The following CDH4 variants were observed in gnomAD, a reference collection of about 807,000 sequenced individuals.
CDH4 encodes the protein cadherin-4.
In CDH4, 33 loss-of-function variants were observed where a neutral mutation model predicts 86.0. The ratio of observed to expected loss-of-function variants is 0.38; its 90% CI spans 0.29 to 0.51. The LOEUF (loss-of-function observed/expected upper bound fraction) is 0.51. Ranked by LOEUF, CDH4 falls within the 20% of genes least tolerant of loss-of-function variation. CDH4 has a pLI of 0.86. For missense variants in CDH4, 1,114 were observed against 1,307.4 expected (o/e 0.85, Z 2.28); for synonymous variants, 555 against 549.4 (o/e 1.01, Z -0.14).
chr20:61,454,723 G>A (rs879803414), intron 2 of CDH4, among the ~76,000 whole-genome samples: 1 of 152,166 alleles, frequency 6.6e-6, no homozygotes, highest in Non-Finnish European at 1.5e-5. Flanking sequence ...GAGATTACAG[G>A]CATGAGCCAC....
At chr20:61,809,332 T>C (rs1272987410) in intron 4 of CDH4, among the ~76,000 whole-genome samples, 1 of 152,172 alleles carries the variant, frequency 6.6e-6, no homozygotes, top group Non-Finnish European at 1.5e-5. Flanking sequence ...CTGTGCTACT[T>C]GGGATTCAAA....
At chr20:61,771,199 G>A (rs1055008668) in intron 3 of CDH4, among the ~76,000 whole-genome samples, 2 of 151,134 alleles carry the variant, frequency 1.3e-5, no homozygotes, top group African/African-American at 4.8e-5. Flanking sequence ...TAGTAGAGAT[G>A]GGGTTTCACC....
chr20:61,329,011 T>G (rs748058635), intron 2 of CDH4, among the ~76,000 whole-genome samples: 2 of 152,174 alleles, frequency 1.3e-5, no homozygotes, highest in African/African-American at 2.4e-5. Flanking sequence ...TTAACCGTGC[T>G]CGGAACACTT....
At chr20:61,395,273 G>A (rs1288102301) in intron 2 of CDH4, among the ~76,000 whole-genome samples, 1 of 151,832 alleles carries the variant, frequency 6.6e-6, no homozygotes, top group African/African-American at 2.4e-5. Flanking sequence ...ATTATATATG[G>A]GAACTCCTGT....
intron 12 of CDH4, among the ~76,000 whole-genome samples, chr20:61,928,968 T>C (rs1261105498): frequency 6.6e-6 from 1 of 152,238 alleles, no homozygotes; most frequent in Non-Finnish European, 1.5e-5. Context: ...ATATCCTGAT[T>C]ACCAGTGGAA....
intron 2 of CDH4, among the ~76,000 whole-genome samples, chr20:61,322,359 T>C (rs1463471378): frequency 3.9e-5 from 6 of 152,002 alleles, no homozygotes; most frequent in African/African-American, 1.4e-4. Context: ...AGCTGGGAGG[T>C]GCCGGCATCA....
intron 2 of CDH4, among the ~76,000 whole-genome samples, chr20:61,507,624 T>G (rs2085750499): frequency 6.6e-6 from 1 of 152,126 alleles, no homozygotes; most frequent in South Asian, 2.1e-4. Flanking sequence ...TGACCCGTAC[T>G]CCTCAAACCA....
Position 61,305,603 on chromosome 20 carries a change from C to T in CDH4, c.169+50666C>T, listed in dbSNP as rs77856556. Among the ~76,000 whole-genome samples, 502 of 152,318 alleles carry T rather than the reference C, an allele frequency of 3.3e-3. 4 individuals are homozygous for T. Among genetic ancestry groups the T allele is most frequent in the African/African-American group, 0.011 (450 of 41,576 alleles). On this transcript the variant is annotated intron_variant, in intron 2 of 15. Coordinates refer to ENST00000614565, the MANE Select transcript of CDH4 (RefSeq NM_001794.5). ...TTTCAATTCTCTTGACCTCGGTTCA[C>T]GAACCTCTCTCTTCCCCTTGGTCTC...
At chr20:61,746,913 G>A (rs942987472) in intron 3 of CDH4, among the ~76,000 whole-genome samples, 2 of 152,198 alleles carry the variant, frequency 1.3e-5, no homozygotes, top group South Asian at 4.1e-4. Flanking sequence ...TGGTTGATGC[G>A]CCCTTACAGA....
intron 2 of CDH4, among the ~76,000 whole-genome samples, chr20:61,411,512 G>T (rs73915022): frequency 6.6e-6 from 1 of 151,652 alleles, no homozygotes; most frequent in East Asian, 1.9e-4. Flanking sequence ...GGGTCAAAAC[G>T]GCCCAGCTTC....
intron 2 of CDH4, among the ~76,000 whole-genome samples, chr20:61,365,744 G>A (rs138395631): frequency 3.3e-3 from 505 of 152,268 alleles, no homozygotes; most frequent in Non-Finnish European, 4.8e-3. Context: ...GCAATGGGGC[G>A]TGCCTGCATT....
chr20:61,362,055 C>A (rs2084786270), intron 2 of CDH4, among the ~76,000 whole-genome samples: 3 of 152,216 alleles, frequency 2.0e-5, no homozygotes, highest in South Asian at 4.1e-4. Context: ...GAAGAAGATG[C>A]AGAGGGCTGC....
chr20:61,869,081 T>C (rs978301360), intron 6 of CDH4, among the ~76,000 whole-genome samples: 1 of 152,262 alleles, frequency 6.6e-6, no homozygotes, highest in African/African-American at 2.4e-5. Flanking sequence ...ATTCTGAGAC[T>C]AAGTCTTTCC....
intron 4 of CDH4, among the ~76,000 whole-genome samples, chr20:61,787,536 T>C (rs1978948700): frequency 6.6e-6 from 1 of 152,152 alleles, no homozygotes; most frequent in Admixed American, 6.5e-5. Flanking sequence ...GGAACTACAA[T>C]TCAAGATGAT....
At chr20:61,254,565 C>T (rs1354116042) in intron 1 of CDH4, among the ~76,000 whole-genome samples, 1 of 152,198 alleles carries the variant, frequency 6.6e-6, no homozygotes, top group East Asian at 1.9e-4. Context: ...GGCCTGGCTT[C>T]CCCAACAGTC....
intron 2 of CDH4, among the ~76,000 whole-genome samples, chr20:61,462,470 G>A (rs539903552): frequency 6.6e-6 from 1 of 152,194 alleles, no homozygotes; most frequent in Non-Finnish European, 1.5e-5. Context: ...TCAAGGGGGT[G>A]TAGTAATCCT....
intron 2 of CDH4, among the ~76,000 whole-genome samples, chr20:61,338,685 G>C (rs1008730955): frequency 3.9e-5 from 6 of 152,096 alleles, no homozygotes; most frequent in African/African-American, 1.4e-4. Flanking sequence ...CCAAGCACTT[G>C]CCCAATGCAG....
At chr20:61,798,622 T>C (rs980173837) in intron 4 of CDH4, among the ~76,000 whole-genome samples, 4 of 152,240 alleles carry the variant, frequency 2.6e-5, no homozygotes, top group African/African-American at 9.6e-5. Flanking sequence ...GCCAGGCCCC[T>C]TGCTCCTGGT....
intron 2 of CDH4, among the ~76,000 whole-genome samples, chr20:61,500,344 G>T (rs141662205): frequency 6.6e-6 from 1 of 152,364 alleles, no homozygotes; most frequent in African/African-American, 2.4e-5. Context: ...ACTCGCGTTC[G>T]GAATTGCAGC....
Sources: allele counts gnomAD v4.1 joint callset (sites outside exome capture counted in the v4.1 genomes callset), GRCh38; gene constraint gnomAD v4.1.1; transcripts MANE v1.5; gene names NCBI Gene and HGNC (gene_info 2026-07-23, HGNC 2026-07-21).